LGR4: variants seen among roughly 807,000 people sequenced by gnomAD.
LGR4 encodes the protein leucine rich repeat containing G protein-coupled receptor 4.
Under a neutral mutation model 84.8 loss-of-function variants are expected in LGR4, and 44 were observed. The ratio of observed to expected loss-of-function variants is 0.52; its 90% confidence interval spans 0.41 to 0.67. The LOEUF is 0.67. Among genes scored for constraint, LGR4 ranks in the 30% least tolerant of loss-of-function variants. The pLI is 0.00. For missense variants in LGR4, 1,032 were observed against 1,131.4 expected (o/e 0.91, Z 1.26); for synonymous variants, 429 against 434.3 (o/e 0.99, Z 0.15).
At chr11:27,434,452 C>A (rs1404183122) in intron 1 of LGR4, among the ~76,000 whole-genome samples, 1 of 152,202 alleles carries the variant, frequency 6.6e-6, no homozygotes, top group Non-Finnish European at 1.5e-5. Flanking sequence ...ACAACTCTGG[C>A]CTTACATACC....
intron 1 of LGR4, among the ~76,000 whole-genome samples, chr11:27,446,310 GGCTTTTGCTGC>G (rs1864389335): frequency 6.6e-6 from 1 of 152,132 alleles, no homozygotes; most frequent in African/African-American, 2.4e-5. Flanking sequence ...TGTCAACTTT[GGCTTTTGCTGC>G]CATTGCTTTT....
At chr11:27,402,944 T>A (rs1863531862) in intron 2 of LGR4, among the ~76,000 whole-genome samples, 1 of 152,182 alleles carries the variant, frequency 6.6e-6, no homozygotes, top group African/African-American at 2.4e-5. Flanking sequence ...CTGCTAACTT[T>A]GTGATGCATC....
intron 1 of LGR4, among the ~76,000 whole-genome samples, chr11:27,422,381 G>A (rs1412277602): frequency 1.3e-5 from 2 of 152,114 alleles, no homozygotes; most frequent in Non-Finnish European, 1.5e-5. Flanking sequence ...GTTTAGACGC[G>A]TATTTTTTAA....
intron 1 of LGR4, among the ~76,000 whole-genome samples, chr11:27,461,093 A>G (rs1864671762): frequency 6.6e-6 from 1 of 152,212 alleles, no homozygotes; most frequent in African/African-American, 2.4e-5. Flanking sequence ...GTGCTTAAGA[A>G]TGTCATATAA....
intron 1 of LGR4, among the ~76,000 whole-genome samples, chr11:27,451,909 T>TA (rs1565098120): frequency 2.0e-5 from 3 of 152,200 alleles, no homozygotes; most frequent in African/African-American, 7.2e-5. Context: ...ATTATAAACC[T>TA]AATGCATAAT....
At chr11:27,419,426 A>G (rs1021182520) in intron 1 of LGR4, among the ~76,000 whole-genome samples, 1 of 151,852 alleles carries the variant, frequency 6.6e-6, no homozygotes, top group Non-Finnish European at 1.5e-5. Flanking sequence ...AGTACTGATA[A>G]AGATGTGGAA....
intron 15 of LGR4, 37 bp downstream of exon 15, chr11:27,373,514 T>A (rs1235884781): frequency 6.6e-7 from 1 of 1,506,110 alleles, no homozygotes; most frequent in South Asian, 1.4e-5. Flanking sequence ...GAGCCTACCA[T>A]AACTTCAACA....
At chr11:27,407,581 G>A (rs1387197202) in intron 2 of LGR4, among the ~76,000 whole-genome samples, 1 of 152,042 alleles carries the variant, frequency 6.6e-6, no homozygotes, top group African/African-American at 2.4e-5. Context: ...TAAAGACTAT[G>A]AAAAAATACT....
intron 3 of LGR4, among the ~76,000 whole-genome samples, chr11:27,392,127 A>G (rs1458894230): frequency 1.3e-5 from 2 of 152,198 alleles, no homozygotes. Context: ...TCTTATAGCT[A>G]TAAAATAAGT....
intron 1 of LGR4, among the ~76,000 whole-genome samples, chr11:27,418,925 C>T (rs536015336): frequency 6.6e-6 from 1 of 151,228 alleles, no homozygotes; most frequent in African/African-American, 2.4e-5. Context: ...GCCTCAACTG[C>T]CCAGGCTCAA....
chr11:27,413,383 G>C (rs1490890010), intron 1 of LGR4, among the ~76,000 whole-genome samples: 1 of 152,232 alleles, frequency 6.6e-6, no homozygotes, highest in Non-Finnish European at 1.5e-5. Context: ...ACAGATGCAG[G>C]CTAAGGACAA....
At chr11:27,466,220 A>C (rs554717910) in intron 1 of LGR4, among the ~76,000 whole-genome samples, 147 of 152,342 alleles carry the variant, frequency 9.6e-4, no homozygotes, top group African/African-American at 3.4e-3. Flanking sequence ...TATACCAACA[A>C]ATACTGTACT....
chr11:27,408,773 G>A (rs1387264683), intron 2 of LGR4, among the ~76,000 whole-genome samples: 1 of 152,138 alleles, frequency 6.6e-6, no homozygotes, highest in Non-Finnish European at 1.5e-5. Context: ...AAGGAAGACT[G>A]CAATGTTTAA....
At chr11:27,369,267 AAACTG>A (rs1049750271) in intron 17 of LGR4, 124 bp from the exon 18 acceptor site, 4 of 683,960 alleles carry the variant, frequency 5.8e-6, no homozygotes, top group African/African-American at 5.5e-5. Flanking sequence ...TACTTGAACA[AAACTG>A]AACTGATTAC....
At chr11:27,391,219 T>C (rs970889250) in intron 3 of LGR4, 54 bp from the exon 4 acceptor site, 2 of 885,570 alleles carry the variant, frequency 2.3e-6, no homozygotes, top group African/African-American at 1.8e-5. Context: ...CATTTTTTCT[T>C]AGAAAAATTC....
At chr11:27,444,543 G>T (rs1864356059) in intron 1 of LGR4, among the ~76,000 whole-genome samples, 1 of 152,066 alleles carries the variant, frequency 6.6e-6, no homozygotes, top group African/African-American at 2.4e-5. Context: ...TCACACACAA[G>T]AAAGATATTT....
In LGR4 at chr11:27,450,745, G is replaced by T. The variant is rs1052915564; in HGVS notation, c.185+21373C>A. Among the ~76,000 whole-genome samples the T allele has an allele frequency of 3.3e-5, 5 of 152,056 alleles. No individual in the cohort carries two copies. In the South Asian group the frequency reaches 1.0e-3, roughly 32 times the overall value. On this transcript the variant is annotated intron_variant, in intron 1 of 17. Transcript: ENST00000379214. Reference sequence around the variant, plus strand: ...AGAGGTTACGGTGAGCTGAGATCGCGCCATTGCACTCCAGCCTGGGCAACA... The same window carrying T: ...AGAGGTTACGGTGAGCTGAGATCGCTCCATTGCACTCCAGCCTGGGCAACA...
chr11:27,385,438 G>C lies in LGR4; in HGVS notation c.432C>G (p.Val144=). The C allele has an allele frequency of 1.2e-6, 2 of 1,608,962 alleles. No homozygotes were observed. The highest frequency in any genetic ancestry group is 1.7e-6 in the Non-Finnish European group (2 of 1,177,902). The change falls in exon 5 of 18, where the codon GTC becomes GTG. Residue 144 remains valine (V), a synonymous_variant. Coordinates refer to ENST00000379214, the MANE Select transcript of LGR4 (RefSeq NM_018490.5). ...CAAGTCCTTCAAAACTGTCCTCGGG[G>C]ACTGAGGTAATATGGTTGGCATCTA... ...LRLDANHITS[V]PEDSFEGLVQ... is the part of the protein sequence containing the mutation.
At chr11:27,373,830 G>A (rs2448003) in intron 14 of LGR4, 145 bp downstream of exon 14, 312,793 of 998,916 alleles carry the variant, frequency 0.31, 50,445 homozygotes, top group South Asian at 0.42. Context: ...TGCCGTTTAA[G>A]AAGACTTTTA....
Sources: allele counts gnomAD v4.1 joint callset (sites outside exome capture counted in the v4.1 genomes callset), GRCh38; gene constraint gnomAD v4.1.1; transcripts MANE v1.5; gene names NCBI Gene and HGNC (gene_info 2026-07-23, HGNC 2026-07-21).